Variants in MGAT4C observed in about 807,000 individuals in gnomAD.
MGAT4C encodes MGAT4 family member C.
A neutral mutation model predicts 40.1 loss-of-function variants in MGAT4C; 19 were observed. That is an observed-to-expected ratio of 0.47 (90% CI 0.33 to 0.70). MGAT4C has a LOEUF of 0.70. Among genes scored for constraint, MGAT4C ranks in the 30% least tolerant of loss-of-function variants. MGAT4C has a pLI of 0.02. For synonymous variants in MGAT4C, 181 were observed against 187.1 expected (o/e 0.97, Z 0.27); for missense variants, 491 against 563.2 (o/e 0.87, Z 1.30).
chr12:86,831,820 A>G (rs1186602288), intron 1 of MGAT4C, among the ~76,000 whole-genome samples: 5 of 151,812 alleles, frequency 3.3e-5, no homozygotes, highest in Non-Finnish European at 7.4e-5. Flanking sequence ...TATAATTAAA[A>G]CCTGGAATTA....
At chr12:86,158,118 T>C (rs1885177306) in intron 1 of MGAT4C, among the ~76,000 whole-genome samples, 1 of 152,178 alleles carries the variant, frequency 6.6e-6, no homozygotes, top group South Asian at 2.1e-4. Context: ...ACTTTACATA[T>C]ATATATCTCC....
chr12:86,264,267 G>A (rs1221692662), intron 4 of MGAT4C, among the ~76,000 whole-genome samples: 1 of 152,158 alleles, frequency 6.6e-6, no homozygotes, highest in Non-Finnish European at 1.5e-5. Flanking sequence ...ATCCAAATGA[G>A]TTTTTCCTAG....
At chr12:86,787,237 T>C (rs988385823) in intron 1 of MGAT4C, among the ~76,000 whole-genome samples, 1 of 151,936 alleles carries the variant, frequency 6.6e-6, no homozygotes, top group African/African-American at 2.4e-5. Flanking sequence ...AGTGAGAATA[T>C]GCAGTATTTG....
At chr12:86,789,771 A>G (rs528349996) in intron 1 of MGAT4C, among the ~76,000 whole-genome samples, 5 of 152,172 alleles carry the variant, frequency 3.3e-5, no homozygotes, top group Non-Finnish European at 7.4e-5. Context: ...AGCAGTGAAC[A>G]CTTGCAGTAC....
chr12:86,556,548 C>T (rs1190059573), intron 2 of MGAT4C, among the ~76,000 whole-genome samples: 1 of 152,102 alleles, frequency 6.6e-6, no homozygotes, highest in Non-Finnish European at 1.5e-5. Flanking sequence ...CTTGACATTA[C>T]TAGATGGCAT....
chr12:86,332,305 C>A (rs980692704), intron 4 of MGAT4C, among the ~76,000 whole-genome samples: 19 of 151,924 alleles, frequency 1.3e-4, no homozygotes, highest in African/African-American at 3.9e-4. Flanking sequence ...CAGAATGAAG[C>A]ACACTTAAAA....
At chr12:86,232,980 G>A (rs1951389699) in intron 1 of MGAT4C, among the ~76,000 whole-genome samples, 1 of 152,114 alleles carries the variant, frequency 6.6e-6, no homozygotes, top group African/African-American at 2.4e-5. Context: ...TAACATTATA[G>A]GTAAAATTTT....
intron 4 of MGAT4C, among the ~76,000 whole-genome samples, chr12:86,273,402 A>C (rs2136109968): frequency 6.6e-6 from 1 of 152,328 alleles, no homozygotes; most frequent in African/African-American, 2.4e-5. Context: ...TTTGTTAAAT[A>C]TATTTAGAGG....
chr12:86,507,454 A>G (rs1325157066), intron 2 of MGAT4C, among the ~76,000 whole-genome samples: 1 of 152,176 alleles, frequency 6.6e-6, no homozygotes, highest in Non-Finnish European at 1.5e-5. Context: ...GATATTTATG[A>G]ATAAGAGGTG....
At chr12:86,342,828 C>T (rs1439744282) in intron 3 of MGAT4C, among the ~76,000 whole-genome samples, 4 of 152,056 alleles carry the variant, frequency 2.6e-5, no homozygotes, top group Admixed American at 2.0e-4. Flanking sequence ...TGGCAGTTAG[C>T]CATGCCTTTT....
At chr12:86,443,877 T>C (rs56223531) in intron 2 of MGAT4C, among the ~76,000 whole-genome samples, 1 of 152,072 alleles carries the variant, frequency 6.6e-6, no homozygotes, top group Non-Finnish European at 1.5e-5. Context: ...TACAGGCACA[T>C]GCCACCATGC....
intron 1 of MGAT4C, among the ~76,000 whole-genome samples, chr12:86,129,931 G>T (rs146110032): frequency 6.6e-6 from 1 of 152,144 alleles, no homozygotes; most frequent in Non-Finnish European, 1.5e-5. Flanking sequence ...TAAAGCACAT[G>T]CACTGTGTGA....
intron 1 of MGAT4C, among the ~76,000 whole-genome samples, chr12:86,799,253 T>A (rs139132637): frequency 6.6e-6 from 1 of 151,914 alleles, no homozygotes; most frequent in African/African-American, 2.4e-5. Context: ...ATAAACTACA[T>A]TGACATTTTG....
intron 1 of MGAT4C, among the ~76,000 whole-genome samples, chr12:86,224,745 G>T (rs1951013198): frequency 6.6e-6 from 1 of 152,140 alleles, no homozygotes; most frequent in Admixed American, 6.6e-5. Flanking sequence ...AAAAATGCTT[G>T]AAACCGATGA....
chr12:86,717,893 A>T (rs1316170409), intron 2 of MGAT4C, among the ~76,000 whole-genome samples: 1 of 152,130 alleles, frequency 6.6e-6, no homozygotes, highest in South Asian at 2.1e-4. Context: ...ATTTGATATA[A>T]ATTTTTGGCT....
chr12:86,042,621 A>G (rs1404090888), intron 2 of MGAT4C, among the ~76,000 whole-genome samples: 2 of 151,994 alleles, frequency 1.3e-5, no homozygotes, highest in Non-Finnish European at 2.9e-5. Context: ...AAGAATGCTG[A>G]ATGGGAGTTC....
chr12:86,607,630 A>G (rs1476102477), intron 2 of MGAT4C, among the ~76,000 whole-genome samples: 2 of 152,166 alleles, frequency 1.3e-5, no homozygotes. Flanking sequence ...CTATGCTGTT[A>G]TCATCTATAC....
chr12:86,020,037 AT>A, intron 2 of MGAT4C, among the ~76,000 whole-genome samples: 1 of 152,230 alleles, frequency 6.6e-6, no homozygotes, highest in Admixed American at 6.5e-5. Flanking sequence ...TTGCACATTG[AT>A]TTTGTATCCT....
At position 86,794,089 on chromosome 12, in the gene MGAT4C, C is replaced by A. The variant is rs188050754; in HGVS notation, c.-262+44577G>T. On this transcript the variant is annotated intron_variant, in intron 1 of 7. Coordinates refer to the MGAT4C transcript ENST00000548651. ...ACAGATAAGTAACTAGAAATTATGACTTTATGGTGCATAATACAATGATGA... is the reference window on the plus strand; with the variant it reads ...ACAGATAAGTAACTAGAAATTATGAATTTATGGTGCATAATACAATGATGA... Among the ~76,000 whole-genome samples the A allele has an allele frequency of 2.0e-3, 300 of 151,864 alleles. 7 individuals carry two copies. The East Asian group carries it at 0.028, about 14-fold the overall frequency.
Sources: gnomAD v4.1 joint callset for allele counts (sites outside exome capture counted in the v4.1 genomes callset) on GRCh38, gnomAD v4.1.1 for gene constraint, MANE v1.5 for transcripts, NCBI Gene and HGNC (gene_info 2026-07-23, HGNC 2026-07-21) for gene names.